The following EPHA6 variants were observed in gnomAD, a reference collection of about 807,000 sequenced individuals.
The protein encoded by EPHA6 is EPH receptor A6.
A neutral mutation model predicts 112.0 loss-of-function variants in EPHA6; 50 were observed. The ratio of observed to expected loss-of-function variants is 0.45; its 90% CI spans 0.36 to 0.56. EPHA6 has a LOEUF of 0.56. Among genes scored for constraint, EPHA6 ranks in the 20% least tolerant of loss-of-function variants. The pLI is 0.00. For synonymous variants in EPHA6, 529 were observed against 490.7 expected (o/e 1.08, Z -1.03); for missense variants, 1,280 against 1,417.4 (o/e 0.90, Z 1.56).
chr3:97,318,049 A>G (rs371656563), intron 5 of EPHA6, among the ~76,000 whole-genome samples: 1 of 152,150 alleles, frequency 6.6e-6, no homozygotes, highest in East Asian at 1.9e-4. Flanking sequence ...GTATGGATAC[A>G]TAATTGAGAA....
intron 10 of EPHA6, among the ~76,000 whole-genome samples, chr3:97,525,035 A>C (rs1381160515): frequency 6.6e-6 from 1 of 152,102 alleles, no homozygotes; most frequent in Non-Finnish European, 1.5e-5. Flanking sequence ...CTGTATGTTC[A>C]TATCCCTCCC....
chr3:97,158,085 C>T (rs2076330991), intron 3 of EPHA6, among the ~76,000 whole-genome samples: 1 of 152,076 alleles, frequency 6.6e-6, no homozygotes, highest in African/African-American at 2.4e-5. Flanking sequence ...CTGTGTACAA[C>T]CAAAAACACA....
At chr3:97,482,203 A>G (rs1048598452) in intron 9 of EPHA6, among the ~76,000 whole-genome samples, 1 of 152,216 alleles carries the variant, frequency 6.6e-6, no homozygotes, top group Admixed American at 6.5e-5. Context: ...ATAATTGAAT[A>G]GTTTAATAGT....
intron 10 of EPHA6, among the ~76,000 whole-genome samples, chr3:97,512,693 A>G (rs578213991): frequency 6.6e-6 from 1 of 152,242 alleles, no homozygotes; most frequent in East Asian, 1.9e-4. Flanking sequence ...TCTCCGGAGT[A>G]GCTGGGATTA....
rs779318567 is a variant in EPHA6 at position 96,814,775 on chromosome 3, C to A, written c.152C>A (p.Ala51Glu). 1.2e-6 allele frequency: 2 copies of A among 1,601,580 alleles called. No homozygotes were observed. The highest frequency in any genetic ancestry group is 2.2e-5 in the South Asian group (2 of 90,054). The change falls in exon 1 of 18, where the codon GCG becomes GAG. Residue 51 changes from alanine to glutamate, a missense_variant. This residue lies in a region of EPHA6 where 220 missense variants were observed against 171.5 expected (regional missense o/e 1.28). Transcript: ENST00000389672. ...AGGGGGCGCCCCGGGACACCCCCTGCGGGCCGGGTGGAGGAGGAAGAGGAG... is the reference window on the plus strand; with the variant it reads ...AGGGGGCGCCCCGGGACACCCCCTGAGGGCCGGGTGGAGGAGGAAGAGGAG... ...SRRGRPGTPP[A>E]GRVEEEEEEE...
At chr3:96,993,627 G>A (rs1184176468) in intron 3 of EPHA6, among the ~76,000 whole-genome samples, 1 of 152,066 alleles carries the variant, frequency 6.6e-6, no homozygotes, top group African/African-American at 2.4e-5. Flanking sequence ...CAGACCCAAA[G>A]CACAGGAGCC....
intron 3 of EPHA6, among the ~76,000 whole-genome samples, chr3:97,141,419 C>A (rs1233918029): frequency 6.6e-6 from 1 of 151,984 alleles, no homozygotes; most frequent in Non-Finnish European, 1.5e-5. Flanking sequence ...CAAAATTGAC[C>A]ATATGCTTAG....
chr3:96,987,258 A>T, intron 2 of EPHA6, 72 bp from the exon 3 acceptor site: 5 of 1,369,132 alleles, frequency 3.7e-6, no homozygotes, highest in Non-Finnish European at 5.0e-6. Flanking sequence ...AAACAAAAAA[A>T]ATTGTAAGTA....
chr3:96,962,645 T>G (rs559973693), intron 2 of EPHA6, among the ~76,000 whole-genome samples: 2 of 151,612 alleles, frequency 1.3e-5, no homozygotes, highest in African/African-American at 4.8e-5. Flanking sequence ...GCTTAATTTT[T>G]TTTTTTAGCT....
intron 1 of EPHA6, among the ~76,000 whole-genome samples, chr3:96,859,863 C>T (rs966615238): frequency 2.0e-5 from 3 of 152,026 alleles, no homozygotes; most frequent in African/African-American, 7.2e-5. Flanking sequence ...TTTAGAAGAG[C>T]AATTTAAACT....
chr3:97,621,636 G>A lies in EPHA6; in HGVS notation c.2574+10782G>A, dbSNP rs991359296. Among the ~76,000 whole-genome samples, 3 of 151,696 alleles carry A rather than the reference G, an allele frequency of 2.0e-5. No individual in the cohort carries two copies. The Admixed American group carries it at 2.0e-4, about 10-fold the overall frequency. The stretch of plus-strand genomic sequence containing the variant: ...TACCAATCTGAAGGGCCCCATGGAT[G>A]GAATACCCAAAGGTAACTAGGCAAG... On this transcript the variant is annotated intron_variant, in intron 13 of 17. Transcript: ENST00000389672.
chr3:97,237,513 G>C (rs2078715644), intron 4 of EPHA6, among the ~76,000 whole-genome samples: 1 of 151,920 alleles, frequency 6.6e-6, no homozygotes, highest in Non-Finnish European at 1.5e-5. Flanking sequence ...CTTGTTGCCA[G>C]TATGTCTTTA....
rs1432385795 is a variant in EPHA6 at position 97,753,029 on chromosome 3, GT to G, written c.*4330del. Among the ~76,000 whole-genome samples, 2 of 152,082 alleles carry G rather than the reference GT, an allele frequency of 1.3e-5. No individual in the cohort carries two copies. The highest frequency in any genetic ancestry group is 4.8e-5 in the African/African-American group (2 of 41,418). Reference sequence around the variant, plus strand: ...TCCAAAAGGTAGAGGAGTACACTGGGTTAAATGGATGGTATTCTTCCACCAG... The same window carrying G: ...TCCAAAAGGTAGAGGAGTACACTGGGTAAATGGATGGTATTCTTCCACCAG... On this transcript the variant is annotated 3_prime_UTR_variant, in exon 18 of 18. Coordinates refer to ENST00000389672, the MANE Select transcript of EPHA6 (RefSeq NM_001080448.3).
At chr3:97,294,146 G>A (rs965310423) in intron 5 of EPHA6, among the ~76,000 whole-genome samples, 13 of 152,228 alleles carry the variant, frequency 8.5e-5, no homozygotes, top group African/African-American at 3.1e-4. Flanking sequence ...TGGAGCCACA[G>A]CTGGGCAGCT....
At chr3:97,245,249 G>A (rs771493751) in intron 5 of EPHA6, among the ~76,000 whole-genome samples, 13 of 152,078 alleles carry the variant, frequency 8.5e-5, no homozygotes, top group Non-Finnish European at 1.3e-4. Context: ...TGTTGATTTC[G>A]TTCTGAGGCC....
chr3:97,094,052 A>G (rs2047160244), intron 3 of EPHA6, among the ~76,000 whole-genome samples: 1 of 152,142 alleles, frequency 6.6e-6, no homozygotes, highest in East Asian at 1.9e-4. Context: ...GCTGACCCTT[A>G]CAGCGTTAGA....
chr3:97,588,674 G>T (rs545826528), intron 11 of EPHA6, among the ~76,000 whole-genome samples: 1 of 152,228 alleles, frequency 6.6e-6, no homozygotes, highest in East Asian at 1.9e-4. Context: ...CTAAATAATA[G>T]CAATGGTTTA....
In EPHA6 at chr3:97,369,586, GCTTCTTGC is replaced by G. The variant is rs559232246; in HGVS notation, c.1607-35560_1607-35553del. On this transcript the variant is annotated intron_variant, in intron 5 of 17. Transcript: ENST00000389672. ...CTCAGGGATGACTGGTTTGGTATGA[GCTTCTTGC>G]CTTTAACCTGAAATTGCTCTCATCT... Among the ~76,000 whole-genome samples the G allele has an allele frequency of 2.9e-4, 44 of 152,290 alleles. No individual in the cohort carries two copies. In the East Asian group the frequency reaches 7.3e-3, roughly 25 times the overall value.
At chr3:97,398,441 T>C (rs2086809790) in intron 5 of EPHA6, among the ~76,000 whole-genome samples, 1 of 151,488 alleles carries the variant, frequency 6.6e-6, no homozygotes, top group South Asian at 2.1e-4. Context: ...AATTTATTAA[T>C]GGTGGTTTAT....
Sources: gnomAD v4.1 joint callset for allele counts (sites outside exome capture counted in the v4.1 genomes callset) on GRCh38, gnomAD v4.1.1 for gene constraint, gnomAD v4.1.1 regional missense constraint, MANE v1.5 for transcripts, NCBI Gene and HGNC (gene_info 2026-07-23, HGNC 2026-07-21) for gene names.